The following STAU2 variants were observed in gnomAD, a reference collection of about 807,000 sequenced individuals.
The protein encoded by STAU2 is staufen double-stranded RNA binding protein 2, also known as double-stranded RNA-binding protein Staufen homolog 2.
A neutral mutation model predicts 65.9 loss-of-function variants in STAU2; 20 were observed. The ratio of observed to expected loss-of-function variants is 0.30; its 90% CI spans 0.21 to 0.44. The LOEUF (loss-of-function observed/expected upper bound fraction) is 0.44. Among genes scored for constraint, STAU2 ranks in the 20% least tolerant of loss-of-function variants. The pLI, the probability that STAU2 is intolerant of heterozygous loss-of-function variation, is 1.00. For missense variants in STAU2, 558 were observed against 683.9 expected (o/e 0.82, Z 2.05); for synonymous variants, 232 against 233.9 (o/e 0.99, Z 0.07).
chr8:73,662,292 C>A (rs763794734), intron 6 of STAU2, among the ~76,000 whole-genome samples: 7 of 152,132 alleles, frequency 4.6e-5, no homozygotes, highest in South Asian at 4.2e-4. Flanking sequence ...ATATGTATTA[C>A]GAATGTTTCC....
intron 4 of STAU2, among the ~76,000 whole-genome samples, chr8:73,696,251 C>T (rs985008157): frequency 1.3e-5 from 2 of 152,194 alleles, no homozygotes; most frequent in Non-Finnish European, 2.9e-5. Context: ...CCTGGGAAAG[C>T]CTTCCCAAGG....
chr8:73,425,916 C>T (rs1167396988), intron 13 of STAU2, among the ~76,000 whole-genome samples: 1 of 152,112 alleles, frequency 6.6e-6, no homozygotes, highest in African/African-American at 2.4e-5. Flanking sequence ...CCTCAGCCTC[C>T]TGAGTAGTTG....
intron 13 of STAU2, among the ~76,000 whole-genome samples, chr8:73,479,023 C>T (rs1427329549): frequency 6.6e-6 from 1 of 152,056 alleles, no homozygotes; most frequent in African/African-American, 2.4e-5. Flanking sequence ...AATGAACCTC[C>T]ATGAACCCAT....
chr8:73,671,747 G>A (rs1017785737), intron 6 of STAU2, among the ~76,000 whole-genome samples: 1 of 152,164 alleles, frequency 6.6e-6, no homozygotes, highest in African/African-American at 2.4e-5. Context: ...TTTGTGCCAG[G>A]CACAGGGGCT....
rs1427942522 is a variant in STAU2 at position 73,723,853 on chromosome 8, T to C, written c.-18+14431A>G. Among the ~76,000 whole-genome samples the C allele has an allele frequency of 2.6e-5, 4 of 152,274 alleles. No individual in the cohort carries two copies. The South Asian group carries it at 8.3e-4, about 32-fold the overall frequency. On this transcript the variant is annotated intron_variant, in intron 3 of 14. Coordinates refer to ENST00000524300, the MANE Select transcript of STAU2 (RefSeq NM_001164380.2). ...GGAAGATTCTCATAATTATGGGTCATATTTCATGCTTCTTTGCATACATGG... is the reference window on the plus strand; with the variant it reads ...GGAAGATTCTCATAATTATGGGTCACATTTCATGCTTCTTTGCATACATGG...
intron 6 of STAU2, among the ~76,000 whole-genome samples, chr8:73,658,237 C>T (rs972279035): frequency 2.0e-5 from 3 of 151,508 alleles, no homozygotes; most frequent in African/African-American, 7.3e-5. Flanking sequence ...GCGTGGTGGC[C>T]CACGCCTGTA....
At chr8:73,743,551 G>A (rs1313956864) in intron 1 of STAU2, among the ~76,000 whole-genome samples, 2 of 136,228 alleles carry the variant, frequency 1.5e-5, no homozygotes, top group South Asian at 4.8e-4. Context: ...TCGGCTCACC[G>A]CAAGATCCGC....
intron 13 of STAU2, among the ~76,000 whole-genome samples, chr8:73,512,578 T>C (rs531685593): frequency 1.3e-5 from 2 of 152,314 alleles, no homozygotes; most frequent in African/African-American, 4.8e-5. Flanking sequence ...CAACAAATTT[T>C]TGTATATTCA....
intron 9 of STAU2, among the ~76,000 whole-genome samples, chr8:73,607,501 G>A (rs1047514230): frequency 4.0e-5 from 6 of 151,842 alleles, no homozygotes; most frequent in Admixed American, 6.6e-5. Flanking sequence ...AGGCCGAGGC[G>A]GGCAGATCAC....
chr8:73,486,680 G>A (rs1248768616), intron 13 of STAU2, among the ~76,000 whole-genome samples: 11 of 146,046 alleles, frequency 7.5e-5, no homozygotes, highest in Admixed American at 6.9e-4. Flanking sequence ...TTGAGACAGG[G>A]TCTTGCTCTG....
At chr8:73,691,679 A>T (rs1819331008) in intron 4 of STAU2, among the ~76,000 whole-genome samples, 1 of 151,996 alleles carries the variant, frequency 6.6e-6, no homozygotes, top group South Asian at 2.1e-4. Context: ...CCCCTAAACT[A>T]CCACAACACC....
intron 12 of STAU2, among the ~76,000 whole-genome samples, chr8:73,578,080 A>C (rs1398671352): frequency 2.0e-5 from 3 of 152,134 alleles, no homozygotes; most frequent in South Asian, 4.1e-4. Context: ...GCTTAGAAAA[A>C]CTATCATACT....
chr8:73,685,938 G>T (rs962653853), intron 5 of STAU2, among the ~76,000 whole-genome samples: 1 of 152,156 alleles, frequency 6.6e-6, no homozygotes, highest in Non-Finnish European at 1.5e-5. Context: ...TAAAGAAAAT[G>T]TGGTGTACAT....
intron 10 of STAU2, among the ~76,000 whole-genome samples, chr8:73,601,648 A>C (rs1044297298): frequency 1.1e-4 from 17 of 152,216 alleles, no homozygotes; most frequent in Non-Finnish European, 2.5e-4. Flanking sequence ...TGGGGCTTCC[A>C]GAAGGGGAAA....
intron 13 of STAU2, among the ~76,000 whole-genome samples, chr8:73,463,941 A>G (rs1035161094): frequency 6.6e-6 from 1 of 152,174 alleles, no homozygotes; most frequent in African/African-American, 2.4e-5. Flanking sequence ...GTGGCTACAA[A>G]AGACTTCAAA....
At chr8:73,423,803 T>A (rs1248955542) in intron 13 of STAU2, among the ~76,000 whole-genome samples, 2 of 152,204 alleles carry the variant, frequency 1.3e-5, no homozygotes, top group African/African-American at 4.8e-5. Flanking sequence ...AGAGTTCCCA[T>A]ATTCTTCCCT....
chr8:73,542,219 T>C (rs1358532295), intron 13 of STAU2, among the ~76,000 whole-genome samples: 1 of 152,144 alleles, frequency 6.6e-6, no homozygotes, highest in African/African-American at 2.4e-5. Context: ...GATTCCTTGC[T>C]TAAGCCTAGA....
intron 12 of STAU2, among the ~76,000 whole-genome samples, chr8:73,569,611 T>G (rs977393585): frequency 2.6e-5 from 4 of 151,816 alleles, no homozygotes; most frequent in African/African-American, 7.3e-5. Context: ...GAGACGACGC[T>G]TCCACAGGAA....
intron 10 of STAU2, among the ~76,000 whole-genome samples, chr8:73,597,850 C>CA (rs997841379): frequency 1.6e-4 from 25 of 152,140 alleles, no homozygotes; most frequent in African/African-American, 5.8e-4. Flanking sequence ...AAAAACTTCG[C>CA]AAAAAGGACT....
Sources: gnomAD v4.1 joint callset for allele counts (sites outside exome capture counted in the v4.1 genomes callset) on GRCh38, gnomAD v4.1.1 for gene constraint, MANE v1.5 for transcripts, NCBI Gene and HGNC (gene_info 2026-07-23, HGNC 2026-07-21) for gene names.